The following DOCK8 variants were observed in gnomAD, a reference collection of about 807,000 sequenced individuals.
The protein encoded by DOCK8 is dedicator of cytokinesis protein 8.
Under a neutral mutation model 245.6 loss-of-function variants are expected in DOCK8, and 141 were observed. That is an observed-to-expected ratio of 0.57 (90% CI 0.50 to 0.66). The LOEUF (loss-of-function observed/expected upper bound fraction) is 0.66. Ranked by LOEUF, DOCK8 falls within the 30% of genes least tolerant of loss-of-function variation. The pLI is 0.00. For synonymous variants in DOCK8, 1,168 were observed against 970.2 expected, an observed-to-expected ratio of 1.20 and a Z score of -3.79; for missense variants, 2,965 against 2,603.4, an observed-to-expected ratio of 1.14 and a Z score of -3.02.
At chr9:251,528 C>G (rs2047645343) in intron 1 of DOCK8, among the ~76,000 whole-genome samples, 1 of 152,068 alleles carries the variant, frequency 6.6e-6, no homozygotes, top group African/African-American at 2.4e-5. Flanking sequence ...ATTGCCAAGC[C>G]CCCGGGAAGG....
chr9:342,634 T>A (rs1018937400), intron 14 of DOCK8, among the ~76,000 whole-genome samples: 4 of 152,080 alleles, frequency 2.6e-5, no homozygotes, highest in Admixed American at 6.6e-5. Flanking sequence ...CACACCCAGT[T>A]AATTTTTGTA....
At position 340,183 on chromosome 9, in the gene DOCK8, C is replaced by G. The variant is rs766672549; in HGVS notation, c.1541C>G (p.Thr514Arg). 1 of 1,614,150 alleles carries G rather than the reference C, an allele frequency of 6.2e-7. No homozygotes were observed. Among genetic ancestry groups the G allele is most frequent in the Non-Finnish European group, 8.5e-7 (1 of 1,180,016 alleles). ...IPGLLRLEISTAPEIINCCLT... is the reference protein window; with the variant it reads ...IPGLLRLEISRAPEIINCCLT... The stretch of plus-strand genomic sequence containing the variant: ...GGCTTGCTAAGACTGGAGATTTCTA[C>G]AGCTCCAGAGATCATCAATTGCTGT... Residue 514 changes from threonine to arginine, a missense_variant, in exon 14 of 48, where the codon ACA (threonine) becomes AGA (arginine). By Grantham distance (71) the Thr-to-Arg change is moderately conservative (BLOSUM62 -1). Around this residue, in one of 3 missense-constraint regions of DOCK8, gnomAD observed 2,825 missense variants for 2,453.5 expected, o/e 1.15. Transcript: ENST00000432829.
intron 3 of DOCK8, 81 bp from the exon 4 acceptor site, chr9:289,429 C>A: frequency 9.0e-7 from 1 of 1,113,770 alleles, no homozygotes; most frequent in South Asian, 1.3e-5. Context: ...AAATTCGTGT[C>A]ATGTTCCTTG....
intron 44 of DOCK8, among the ~76,000 whole-genome samples, chr9:448,897 C>T (rs1481636089): frequency 6.6e-6 from 1 of 152,196 alleles, no homozygotes; most frequent in Non-Finnish European, 1.5e-5. Context: ...CCCAAACCAG[C>T]AGAACTTAGC....
chr9:376,606 C>G, intron 19 of DOCK8, among the ~76,000 whole-genome samples: 1 of 152,176 alleles, frequency 6.6e-6, no homozygotes, highest in East Asian at 1.9e-4. Flanking sequence ...CTCTGTAACT[C>G]TGCCACTTTG....
chr9:307,338 G>GTTTTTTTTTTTTTT (rs1165775428), intron 5 of DOCK8, among the ~76,000 whole-genome samples: 6 of 51,238 alleles, frequency 1.2e-4, no homozygotes, highest in Admixed American at 5.4e-4. Flanking sequence ...GGTTTTTTTT[G>GTTTTTTTTTTTTTT]TTTTTTTTTT....
At chr9:216,537 C>CAAAAAAAACAAAAAAAA (rs2046757031) in intron 1 of DOCK8, among the ~76,000 whole-genome samples, 1 of 88,922 alleles carries the variant, frequency 1.1e-5, no homozygotes, top group Admixed American at 1.3e-4. Flanking sequence ...AAAAAACAGA[C>CAAAAAAAACAAAAAAAA]AAAAAAAAAA....
At chr9:398,793 CA>C (rs200942779) in intron 25 of DOCK8, among the ~76,000 whole-genome samples, 6 of 116,440 alleles carry the variant, frequency 5.2e-5, no homozygotes, top group East Asian at 5.0e-4. Flanking sequence ...GTCAGTTTGC[CA>C]AAAAAAAAGA....
intron 46 of DOCK8, among the ~76,000 whole-genome samples, chr9:463,073 T>C (rs896173881): frequency 6.6e-6 from 1 of 152,164 alleles, no homozygotes; most frequent in South Asian, 2.1e-4. Context: ...TTGGCTTCAG[T>C]ATCCCCTGGG....
intron 28 of DOCK8, among the ~76,000 whole-genome samples, chr9:409,313 A>G (rs142672158): frequency 6.6e-6 from 1 of 152,318 alleles, no homozygotes; most frequent in African/African-American, 2.4e-5. Flanking sequence ...TTTTTCAAGC[A>G]TTTAGAAATT....
chr9:410,064 T>A lies in DOCK8; in HGVS notation c.3530+2995T>A, dbSNP rs999223710. Among the ~76,000 whole-genome samples the A allele has an allele frequency of 2.6e-5, 4 of 152,302 alleles. No homozygotes were observed. In the South Asian group the frequency reaches 8.3e-4, roughly 32 times the overall value. On this transcript the variant is annotated intron_variant, in intron 28 of 47. Coordinates refer to ENST00000432829, the MANE Select transcript of DOCK8 (RefSeq NM_203447.4). ...CACATATGTTTATTGCGGCAAGATG[T>A]ATATTTTTAAAATTGAACATCTATG... is the stretch of plus-strand genomic sequence containing the variant.
At chr9:308,475 C>T (rs2049946317) in intron 5 of DOCK8, among the ~76,000 whole-genome samples, 1 of 152,146 alleles carries the variant, frequency 6.6e-6, no homozygotes, top group Non-Finnish European at 1.5e-5. Context: ...TTCTTGTGCA[C>T]CTTCTTATTG....
intron 23 of DOCK8, among the ~76,000 whole-genome samples, chr9:390,100 G>A (rs1401379910): frequency 6.6e-6 from 1 of 152,108 alleles, no homozygotes; most frequent in Non-Finnish European, 1.5e-5. Flanking sequence ...AGAGAGGAAT[G>A]GCTTGCACAT....
chr9:429,987 A>C (rs2056650649), intron 36 of DOCK8, 133 bp downstream of exon 36: 5 of 1,102,188 alleles, frequency 4.5e-6, no homozygotes, highest in Non-Finnish European at 6.6e-6. Context: ...GAAACAATTG[A>C]GTATGTAGAT....
At chr9:407,625 A>G (rs1163360554) in intron 28 of DOCK8, among the ~76,000 whole-genome samples, 1 of 103,190 alleles carries the variant, frequency 9.7e-6, no homozygotes, top group Non-Finnish European at 1.8e-5. Flanking sequence ...CTAGAAGTCA[A>G]CAGACAGAGA....
intron 1 of DOCK8, among the ~76,000 whole-genome samples, chr9:248,447 C>CCT (rs1563839116): frequency 2.0e-5 from 3 of 146,974 alleles, no homozygotes; most frequent in South Asian, 2.1e-4. Context: ...TGTCTTTCCC[C>CCT]TCCTTCCTTC....
chr9:239,715 T>C (rs1373776428), intron 1 of DOCK8, among the ~76,000 whole-genome samples: 2 of 152,220 alleles, frequency 1.3e-5, no homozygotes, highest in African/African-American at 4.8e-5. Context: ...CTTTGACTTA[T>C]TAATCATTTT....
chr9:237,792 C>G (rs1021204451), intron 1 of DOCK8, among the ~76,000 whole-genome samples: 1 of 151,714 alleles, frequency 6.6e-6, no homozygotes, highest in African/African-American at 2.4e-5. Flanking sequence ...CTGAGAACAA[C>G]CAATTTTAAA....
intron 1 of DOCK8, among the ~76,000 whole-genome samples, chr9:255,396 G>A (rs980005577): frequency 4.6e-5 from 7 of 152,074 alleles, no homozygotes; most frequent in South Asian, 2.1e-4. Flanking sequence ...GGCAGAGCGC[G>A]GTGGCTCATG....
Sources: gnomAD v4.1 joint callset for allele counts (sites outside exome capture counted in the v4.1 genomes callset) on GRCh38, gnomAD v4.1.1 for gene constraint, gnomAD v4.1.1 regional missense constraint, MANE v1.5 for transcripts, NCBI Gene and HGNC (gene_info 2026-07-23, HGNC 2026-07-21) for gene names.